Variants in SLC4A4 observed in about 807,000 individuals in gnomAD.
SLC4A4 encodes the protein electrogenic sodium bicarbonate cotransporter 1.
SLC4A4 carries 27 observed loss-of-function variants against 111.5 expected under a neutral mutation model. That is an observed-to-expected ratio of 0.24 (90% CI 0.18 to 0.33). The LOEUF is 0.33. SLC4A4 is among the 10% of genes least tolerant of loss of function. The pLI is 1.00. For synonymous variants in SLC4A4, 443 were observed against 463.4 expected (o/e 0.96, Z 0.57); for missense variants, 909 against 1,315.5 (o/e 0.69, Z 4.78).
chr4:71,258,749 C>A (rs2149065266), intron 3 of SLC4A4, among the ~76,000 whole-genome samples: 1 of 152,278 alleles, frequency 6.6e-6, no homozygotes, highest in African/African-American at 2.4e-5. Context: ...CACATAAAAT[C>A]TGGTCTTCGC....
rs560345991 is a variant in SLC4A4, at chr4:71,401,294, G to A, written c.807+3641G>A. ...CCTATGTGCTTACGATTTCAGTAGC[G>A]GCTGCTTTATTGAAAAATGGCTTAA... On this transcript the variant is annotated intron_variant, in intron 7 of 25. Transcript: ENST00000264485. Among the ~76,000 whole-genome samples, 11 of 152,212 alleles carry A rather than the reference G, an allele frequency of 7.2e-5. 1 individual carries two copies. In the South Asian group the frequency reaches 8.3e-4, roughly 11 times the overall value.
intron 4 of SLC4A4, among the ~76,000 whole-genome samples, chr4:71,348,457 C>T (rs1729524905): frequency 6.6e-6 from 1 of 152,022 alleles, no homozygotes; most frequent in Non-Finnish European, 1.5e-5. Flanking sequence ...CTATCGTTGA[C>T]TTTTTAACCA....
chr4:71,343,840 C>A (rs1003175677), intron 4 of SLC4A4, among the ~76,000 whole-genome samples: 3 of 152,036 alleles, frequency 2.0e-5, no homozygotes, highest in African/African-American at 4.8e-5. Context: ...TCTGCTTGAG[C>A]CTCACTGGCC....
intron 2 of SLC4A4, among the ~76,000 whole-genome samples, chr4:71,238,671 T>G (rs1719970916): frequency 1.3e-5 from 2 of 152,212 alleles, no homozygotes; most frequent in East Asian, 1.9e-4. Flanking sequence ...TGGATTATTT[T>G]GTGGGTAACT....
rs376043069 is a variant in SLC4A4, at chr4:71,156,588, G to GCGCACACACACACA, written c.-2+63797_-2+63798insGCACACACACACAC. On this transcript the variant is annotated intron_variant, in intron 2 of 26. Coordinates refer to the SLC4A4 transcript ENST00000649996. ...TGTGCGCGCATGCGCGCGCGCGCGC[G>GCGCACACACACACA]CACACACACACACACACACACACAC... Among the ~76,000 whole-genome samples the GCGCACACACACACA allele has an allele frequency of 1.5e-4, 21 of 138,562 alleles. No individual in the cohort carries two copies. The East Asian group carries it at 2.1e-3, about 14-fold the overall frequency. 90.9% of individuals were successfully genotyped at this position (138,562 alleles called of 152,430 possible). A position where few individuals can be genotyped will look rare whatever the true frequency, so the allele number is the denominator to read the frequency against.
At chr4:71,233,211 A>T (rs2149034185) in intron 1 of SLC4A4, 1 of 947,422 alleles carries the variant, frequency 1.1e-6, no homozygotes, top group Non-Finnish European at 1.3e-6. Flanking sequence ...TTGTGCCTGC[A>T]ACATAGTAGT....
intron 2 of SLC4A4, among the ~76,000 whole-genome samples, chr4:71,118,025 C>A (rs1008270084): frequency 6.6e-6 from 1 of 151,744 alleles, no homozygotes; most frequent in Non-Finnish European, 1.5e-5. Context: ...TACAGGCATG[C>A]GCCACCACGC....
At chr4:71,183,855 C>T (rs1745375370), upstream of SLC4A4, among the ~76,000 whole-genome samples, 1 of 152,194 alleles carries the variant, frequency 6.6e-6, no homozygotes, top group Admixed American at 6.5e-5. Context: ...TCTGATCAGT[C>T]TTTGACGTTT....
intron 18 of SLC4A4, among the ~76,000 whole-genome samples, chr4:71,545,483 T>C (rs1735439453): frequency 6.6e-6 from 1 of 152,016 alleles, no homozygotes; most frequent in Non-Finnish European, 1.5e-5. Context: ...GGGTATCAAG[T>C]ATTTGATTTC....
intron 2 of SLC4A4, 36 bp downstream of exon 2, chr4:71,236,685 A>C (rs1347541472): frequency 6.6e-7 from 1 of 1,510,602 alleles, no homozygotes; most frequent in Non-Finnish European, 9.2e-7. Context: ...GTCTGTTGAC[A>C]TACATATGTC....
chr4:71,225,611 A>G (rs1291018241), intron 1 of SLC4A4, among the ~76,000 whole-genome samples: 1 of 152,176 alleles, frequency 6.6e-6, no homozygotes, highest in Non-Finnish European at 1.5e-5. Flanking sequence ...TGTGGTTGCC[A>G]TGTTGGGTAG....
chr4:71,125,276 C>A (rs1578503512), intron 2 of SLC4A4, among the ~76,000 whole-genome samples: 1 of 152,258 alleles, frequency 6.6e-6, no homozygotes, highest in South Asian at 2.1e-4. Flanking sequence ...ACTTTGTAAA[C>A]CACATTATGT....
chr4:71,468,816 A>G (rs927827992), intron 13 of SLC4A4, among the ~76,000 whole-genome samples: 12 of 151,452 alleles, frequency 7.9e-5, no homozygotes, highest in African/African-American at 2.7e-4. Context: ...TTCACTTTAG[A>G]CTTTAGCATG....
chr4:71,346,725 G>C (rs1729364219), intron 4 of SLC4A4, among the ~76,000 whole-genome samples: 1 of 152,082 alleles, frequency 6.6e-6, no homozygotes, highest in African/African-American at 2.4e-5. Flanking sequence ...GACAAAGCAT[G>C]TGCCATTTCT....
chr4:71,441,893 T>C (rs1230822101), intron 8 of SLC4A4, among the ~76,000 whole-genome samples: 1 of 152,218 alleles, frequency 6.6e-6, no homozygotes, highest in Non-Finnish European at 1.5e-5. Context: ...ATTCACTTAA[T>C]AGGATTATGA....
At chr4:71,369,929 A>G (rs1343694479) in intron 6 of SLC4A4, among the ~76,000 whole-genome samples, 2 of 152,252 alleles carry the variant, frequency 1.3e-5, no homozygotes, top group African/African-American at 4.8e-5. Context: ...ATGAAAATAC[A>G]TACACACACA....
chr4:71,467,935 C>G (rs1486734730), intron 13 of SLC4A4, among the ~76,000 whole-genome samples: 1 of 151,958 alleles, frequency 6.6e-6, no homozygotes, highest in Non-Finnish European at 1.5e-5. Flanking sequence ...TTAGAACTGT[C>G]ATTACCTTCA....
chr4:71,440,777 A>T lies in SLC4A4; in HGVS notation c.965+4A>T. 6.2e-7 allele frequency: 1 copy of T among 1,613,972 alleles called. No individual in the cohort carries two copies. Among genetic ancestry groups the T allele is most frequent in the Non-Finnish European group, 8.5e-7 (1 of 1,179,972 alleles). ...CTGAAGTTCCTGTGCCCACAAGGTA[A>T]GCTGCTCTCCTACCTGGGGTCTACA... On this transcript the variant is annotated splice_donor_region_variant and intron_variant, in intron 8 of 25. Coordinates refer to ENST00000264485, the MANE Select transcript of SLC4A4 (RefSeq NM_001098484.3).
intron 18 of SLC4A4, among the ~76,000 whole-genome samples, chr4:71,536,655 C>A (rs908611825): frequency 6.7e-6 from 1 of 150,342 alleles, no homozygotes; most frequent in South Asian, 2.1e-4. Flanking sequence ...TGCCACCATG[C>A]CAGCTAATTT....
Sources: allele counts gnomAD v4.1 joint callset (sites outside exome capture counted in the v4.1 genomes callset), GRCh38; gene constraint gnomAD v4.1.1; transcripts MANE v1.5; gene names NCBI Gene and HGNC (gene_info 2026-07-23, HGNC 2026-07-21).